ILRUN: variants seen among roughly 807,000 people sequenced by gnomAD.
ILRUN encodes the protein inflammation and lipid regulator with UBA-like and NBR1-like domains, also known as protein ILRUN.
Under a neutral mutation model 33.8 loss-of-function variants are expected in ILRUN, and 3 were observed. The observed-to-expected ratio is 0.09, with a 90% CI of 0.04 to 0.23. The LOEUF (loss-of-function observed/expected upper bound fraction) is 0.23, where lower values mean the gene tolerates loss of function less well. Among genes scored for constraint, ILRUN ranks in the 10% least tolerant of loss-of-function variants. ILRUN has a pLI of 1.00. For synonymous variants in ILRUN, 124 were observed against 138.9 expected, an observed-to-expected ratio of 0.89 and a Z score of 0.75; for missense variants, 210 against 375.1, an observed-to-expected ratio of 0.56 and a Z score of 3.64.
At chr6:34,651,476 A>G (rs1762667099) in intron 2 of ILRUN, among the ~76,000 whole-genome samples, 1 of 152,090 alleles carries the variant, frequency 6.6e-6, no homozygotes, top group South Asian at 2.1e-4. Context: ...CTCCCCATTA[A>G]CCCAAGTAAC....
chr6:34,668,509 C>T (rs1282170738), intron 1 of ILRUN, among the ~76,000 whole-genome samples: 1 of 152,106 alleles, frequency 6.6e-6, no homozygotes, highest in Non-Finnish European at 1.5e-5. Flanking sequence ...GATGATAACA[C>T]CTACTTTTCT....
At position 34,657,898 on chromosome 6, in the gene ILRUN, A is replaced by G. The variant is rs7745409; in HGVS notation, c.159-3119T>C. Among the ~76,000 whole-genome samples, 988 of 152,328 alleles carry G rather than the reference A, an allele frequency of 6.5e-3. 11 individuals carry two copies. Among genetic ancestry groups the G allele is most frequent in the African/African-American group, 0.02 (845 of 41,566 alleles). On this transcript the variant is annotated intron_variant, in intron 1 of 4. Coordinates refer to ENST00000374023, the MANE Select transcript of ILRUN (RefSeq NM_024294.4). Reference sequence around the variant, plus strand: ...CTGGCTAAGGTGATGGGAAAGGGAAAACATTGACCCAGCATTCAGTGCAGT... The same window carrying G: ...CTGGCTAAGGTGATGGGAAAGGGAAGACATTGACCCAGCATTCAGTGCAGT...
At chr6:34,601,393 C>CCAT (rs200475115) in intron 4 of ILRUN, among the ~76,000 whole-genome samples, 3,530 of 152,252 alleles carry the variant, frequency 0.023, 60 homozygotes, top group Non-Finnish European at 0.034. Flanking sequence ...CATCTTTAAA[C>CCAT]CTTTCATGGA....
chr6:34,612,290 G>A (rs1403491795), intron 3 of ILRUN, among the ~76,000 whole-genome samples: 1 of 152,104 alleles, frequency 6.6e-6, no homozygotes, highest in Non-Finnish European at 1.5e-5. Flanking sequence ...AATTAGCCAG[G>A]CATGGTGGCA....
chr6:34,654,970 T>C (rs1762740648), intron 1 of ILRUN, among the ~76,000 whole-genome samples, 191 bp from the exon 2 acceptor site: 1 of 152,130 alleles, frequency 6.6e-6, no homozygotes, highest in Admixed American at 6.6e-5. Flanking sequence ...AATTTGTGTA[T>C]CACTTTCTTC....
At chr6:34,625,984 G>A (rs1762118200) in intron 3 of ILRUN, among the ~76,000 whole-genome samples, 2 of 151,586 alleles carry the variant, frequency 1.3e-5, no homozygotes, top group African/African-American at 4.8e-5. Flanking sequence ...CCGAGTAGCT[G>A]GGACTACAGG....
intron 1 of ILRUN, among the ~76,000 whole-genome samples, chr6:34,655,473 C>T (rs532278677): frequency 6.6e-6 from 1 of 152,210 alleles, no homozygotes; most frequent in African/African-American, 2.4e-5. Flanking sequence ...CAAATGGTAG[C>T]ATAATATACA....
At chr6:34,660,096 G>GT (rs1762857093) in intron 1 of ILRUN, among the ~76,000 whole-genome samples, 1 of 150,864 alleles carries the variant, frequency 6.6e-6, no homozygotes, top group Non-Finnish European at 1.5e-5. Context: ...CAGCCCAGAA[G>GT]TTTGAGACTA....
chr6:34,651,329 A>T (rs535261298), intron 2 of ILRUN, among the ~76,000 whole-genome samples: 1 of 152,298 alleles, frequency 6.6e-6, no homozygotes, highest in South Asian at 2.1e-4. Flanking sequence ...AAGCTGTTTT[A>T]AACTGAGGTT....
At chr6:34,653,775 T>G (rs1214380346) in intron 2 of ILRUN, among the ~76,000 whole-genome samples, 1 of 151,598 alleles carries the variant, frequency 6.6e-6, no homozygotes, top group East Asian at 1.9e-4. Flanking sequence ...GAGTTCGAGA[T>G]CAACCTGGGC....
intron 3 of ILRUN, among the ~76,000 whole-genome samples, chr6:34,633,794 A>G (rs1265518826): frequency 1.3e-5 from 2 of 150,054 alleles, no homozygotes; most frequent in Non-Finnish European, 3.0e-5. Flanking sequence ...GGAAAGGGAA[A>G]GAAAAGAAAG....
chr6:34,603,419 G>A (rs748891954), intron 4 of ILRUN, among the ~76,000 whole-genome samples: 2 of 152,186 alleles, frequency 1.3e-5, no homozygotes, highest in African/African-American at 4.8e-5. Flanking sequence ...CGGATCACGG[G>A]GTCAGGAGAT....
chr6:34,615,146 G>C (rs151200298), intron 3 of ILRUN, among the ~76,000 whole-genome samples: 1 of 152,176 alleles, frequency 6.6e-6, no homozygotes, highest in Non-Finnish European at 1.5e-5. Flanking sequence ...TCTTTAACAA[G>C]TGTACTATGA....
At position 34,683,057 on chromosome 6, in the gene ILRUN, C is replaced by CAA. The variant is rs549443199; in HGVS notation, c.158+13387_158+13388dup. On this transcript the variant is annotated intron_variant, in intron 1 of 4. Transcript: ENST00000374023. ...GATGGGAGGATTGCTGTTACCCCAA[C>CAA]AAAAAAAAAACAAAAACAGGACGTT... 1.5e-3 allele frequency among the ~76,000 whole-genome samples: 218 copies of CAA among 142,830 alleles called. 1 individual carries two copies. Among genetic ancestry groups the CAA allele is most frequent in the African/African-American group, 5.2e-3 (204 of 38,906 alleles). The allele number at this position is 142,830 out of a possible 152,430, so 93.7% of individuals were successfully genotyped here. A position where few individuals can be genotyped will look rare whatever the true frequency, so the allele number is the denominator to read the frequency against.
At position 34,674,965 on chromosome 6, in the gene ILRUN, G is replaced by A. The variant is rs79962487; in HGVS notation, c.159-20186C>T. 6.3e-4 allele frequency among the ~76,000 whole-genome samples: 96 copies of A among 151,988 alleles called. 1 individual carries two copies. Among genetic ancestry groups the A allele is most frequent in the African/African-American group, 2.0e-3 (83 of 41,452 alleles). Reference sequence around the variant, plus strand: ...TGAGGCCCTGAATAACTGGACATGCGCACCAATGCAACTCAAAAAAAAGTG... The same window carrying A: ...TGAGGCCCTGAATAACTGGACATGCACACCAATGCAACTCAAAAAAAAGTG... On this transcript the variant is annotated intron_variant, in intron 1 of 4. Coordinates refer to ENST00000374023, the MANE Select transcript of ILRUN (RefSeq NM_024294.4).
At chr6:34,677,554 T>C (rs1442040964) in intron 1 of ILRUN, among the ~76,000 whole-genome samples, 1 of 147,484 alleles carries the variant, frequency 6.8e-6, no homozygotes, top group African/African-American at 2.4e-5. Context: ...TGAGTAGCTA[T>C]ATATATGAAC....
At chr6:34,650,410 TA>T (rs1374497173) in intron 2 of ILRUN, among the ~76,000 whole-genome samples, 24 of 30,872 alleles carry the variant, frequency 7.8e-4, no homozygotes, top group African/African-American at 1.7e-3. Flanking sequence ...TATTTATTTT[TA>T]TTTATTTATT....
Position 34,693,656 on chromosome 6 carries a change from A to G in ILRUN, c.158+2790T>C, listed in dbSNP as rs988954790. 2.3e-3 allele frequency among the ~76,000 whole-genome samples: 334 copies of G among 147,038 alleles called. 2 individuals carry two copies. Among genetic ancestry groups the G allele is most frequent in the Non-Finnish European group, 3.5e-3 (234 of 67,358 alleles). ...TTTTTTATATAAAAACTCAAATAGA[A>G]GTTTTATTTTATTTTATTTTTTTTT... is the stretch of plus-strand genomic sequence containing the variant. On this transcript the variant is annotated intron_variant, in intron 1 of 4. Coordinates refer to ENST00000374023, the MANE Select transcript of ILRUN (RefSeq NM_024294.4).
chr6:34,666,564 C>CA (rs1367890468), intron 1 of ILRUN, among the ~76,000 whole-genome samples: 2 of 151,134 alleles, frequency 1.3e-5, no homozygotes, highest in Admixed American at 6.6e-5. Context: ...AACTCCATCT[C>CA]AAAAAAAAGA....
Sources: allele counts gnomAD v4.1 joint callset (sites outside exome capture counted in the v4.1 genomes callset), GRCh38; gene constraint gnomAD v4.1.1; transcripts MANE v1.5; gene names NCBI Gene and HGNC (gene_info 2026-07-23, HGNC 2026-07-21).